The following PAPPA2 variants were observed in gnomAD, a reference collection of about 807,000 sequenced individuals.
PAPPA2 encodes pappalysin-2.
In PAPPA2, 86 loss-of-function variants were observed where a neutral mutation model predicts 176.4. The observed-to-expected ratio is 0.49, with a 90% CI of 0.41 to 0.58. PAPPA2 has a LOEUF of 0.58. Among genes scored for constraint, PAPPA2 ranks in the 20% least tolerant of loss-of-function variants. The pLI is 0.00. For synonymous variants in PAPPA2, 809 were observed against 852.2 expected (o/e 0.95, Z 0.88); for missense variants, 2,073 against 2,256.9 (o/e 0.92, Z 1.65).
intron 2 of PAPPA2, among the ~76,000 whole-genome samples, chr1:176,590,418 T>C (rs1653587869): frequency 6.6e-6 from 1 of 152,210 alleles, no homozygotes; most frequent in African/African-American, 2.4e-5. Context: ...CTTGGATTTT[T>C]TTTTTATCTT....
intron 3 of PAPPA2, among the ~76,000 whole-genome samples, chr1:176,653,827 A>C (rs983421084): frequency 6.6e-6 from 1 of 151,532 alleles, no homozygotes; most frequent in Non-Finnish European, 1.5e-5. Flanking sequence ...TCTACTTCTG[A>C]TGGATAATTT....
At chr1:176,734,222 G>A (rs1055338095) in intron 12 of PAPPA2, among the ~76,000 whole-genome samples, 2 of 152,096 alleles carry the variant, frequency 1.3e-5, no homozygotes, top group Admixed American at 6.6e-5. Flanking sequence ...TAAAATCACA[G>A]TTTGAGGACA....
At chr1:176,677,086 G>A (rs1488420291) in intron 4 of PAPPA2, among the ~76,000 whole-genome samples, 1 of 152,074 alleles carries the variant, frequency 6.6e-6, no homozygotes, top group Admixed American at 6.6e-5. Flanking sequence ...ATAGGAAATT[G>A]TTTGTGTTCT....
At position 176,605,706 on chromosome 1, in the gene PAPPA2, G is replaced by T. The variant is rs534417805; in HGVS notation, c.1991+10111G>T. Among the ~76,000 whole-genome samples the T allele has an allele frequency of 2.6e-5, 4 of 152,312 alleles. 1 individual carries two copies. Among genetic ancestry groups the T allele is most frequent in the Admixed American group, 1.3e-4 (2 of 15,308 alleles). On this transcript the variant is annotated intron_variant, in intron 3 of 22. Transcript: ENST00000367662. ...TAACTCATCTTTACATGTTAGTTCG[G>T]AAGTCATAGGTTTCTGGCCAACCTT... is the stretch of plus-strand genomic sequence containing the variant.
At chr1:176,839,394 G>A (rs1397102542) in intron 21 of PAPPA2, among the ~76,000 whole-genome samples, 3 of 152,190 alleles carry the variant, frequency 2.0e-5, no homozygotes, top group African/African-American at 7.2e-5. Flanking sequence ...TGGCCTGGAC[G>A]CCTTTCCCAT....
At chr1:176,593,496 G>T (rs2102647817) in intron 2 of PAPPA2, among the ~76,000 whole-genome samples, 1 of 152,312 alleles carries the variant, frequency 6.6e-6, no homozygotes, top group East Asian at 1.9e-4. Flanking sequence ...CTATTCCTGA[G>T]AGACTATGTA....
At chr1:176,623,141 A>T (rs1655688053) in intron 3 of PAPPA2, among the ~76,000 whole-genome samples, 1 of 152,202 alleles carries the variant, frequency 6.6e-6, no homozygotes, top group Non-Finnish European at 1.5e-5. Flanking sequence ...GCAAATGGTA[A>T]GGGAAGTCAC....
chr1:176,771,051 C>T lies in PAPPA2; in HGVS notation c.4586C>T (p.Pro1529Leu). The change falls in exon 17 of 23, where the codon CCT becomes CTT. Residue 1529 changes from proline (P) to leucine (L), a missense_variant. Physicochemically the swap from Pro to Leu is moderately conservative, Grantham distance 98. Around this residue, in one of 4 missense-constraint regions of PAPPA2, gnomAD observed 846 missense variants for 857.9 expected, o/e 0.99. Transcript: ENST00000367662. ...VYCKLECDAP[P>L]IILNANLLLP... Reference sequence around the variant, plus strand: ...TGCAAGTTGGAGTGTGATGCTCCCCCTATTATTCTGAATGCCAACTTGCTC... The same window carrying T: ...TGCAAGTTGGAGTGTGATGCTCCCCTTATTATTCTGAATGCCAACTTGCTC... The T allele has an allele frequency of 6.2e-7, 1 of 1,614,148 alleles. No homozygotes were observed. The highest frequency in any genetic ancestry group is 1.1e-5 in the South Asian group (1 of 91,080).
At chr1:176,521,108 C>T (rs548405259) in intron 1 of PAPPA2, among the ~76,000 whole-genome samples, 5 of 130,824 alleles carry the variant, frequency 3.8e-5, no homozygotes, top group Admixed American at 3.6e-4. Context: ...GAAAGAGAGA[C>T]AGAGACAGAG....
chr1:176,706,388 A>G lies in PAPPA2; in HGVS notation c.3395A>G (p.Asp1132Gly), dbSNP rs1309324168. Residue 1132 changes from aspartate to glycine, a missense_variant, in exon 10 of 23, where the codon GAC becomes GGC. Around this residue, in one of 4 missense-constraint regions of PAPPA2, gnomAD observed 846 missense variants for 857.9 expected, o/e 0.99. Coordinates refer to ENST00000367662, the MANE Select transcript of PAPPA2 (RefSeq NM_020318.3). ...CTGGGAGAAGAGTGTGATGATGGAG[A>G]CCTTGTGAGCGGAGATGGCTGCTCC... ...ERLGEECDDG[D>G]LVSGDGCSKV... The G allele has an allele frequency of 1.2e-6, 2 of 1,613,754 alleles. No individual in the cohort carries two copies. The highest frequency in any genetic ancestry group is 2.2e-5 in the East Asian group (1 of 44,846).
At chr1:176,694,190 G>A (rs1660253085) in intron 6 of PAPPA2, among the ~76,000 whole-genome samples, 1 of 152,156 alleles carries the variant, frequency 6.6e-6, no homozygotes, top group African/African-American at 2.4e-5. Flanking sequence ...CAGCAGCCAC[G>A]GAAGGGCCAA....
intron 4 of PAPPA2, 78 bp downstream of exon 4, chr1:176,671,193 A>G: frequency 6.4e-7 from 1 of 1,565,426 alleles, no homozygotes; most frequent in Non-Finnish European, 8.7e-7. Flanking sequence ...AAGTTTGGGG[A>G]AAAAAGAAAG....
At chr1:176,636,740 A>G (rs1447585544) in intron 3 of PAPPA2, among the ~76,000 whole-genome samples, 1 of 152,130 alleles carries the variant, frequency 6.6e-6, no homozygotes, top group Admixed American at 6.6e-5. Context: ...AAAACATTGT[A>G]CATCTCTGGT....
At chr1:176,493,982 A>G (rs1465668374) in intron 1 of PAPPA2, among the ~76,000 whole-genome samples, 1 of 152,236 alleles carries the variant, frequency 6.6e-6, no homozygotes, top group Non-Finnish European at 1.5e-5. Flanking sequence ...AAACCTTATT[A>G]CCAGATGCTC....
chr1:176,840,096 T>C, intron 21 of PAPPA2, 77 bp from the exon 22 acceptor site: 1 of 1,163,294 alleles, frequency 8.6e-7, no homozygotes, highest in Non-Finnish European at 1.3e-6. Flanking sequence ...TGGATTACGC[T>C]GGGATGGGAG....
intron 3 of PAPPA2, among the ~76,000 whole-genome samples, chr1:176,632,792 C>T (rs907370027): frequency 1.3e-5 from 2 of 152,076 alleles, no homozygotes; most frequent in African/African-American, 4.8e-5. Flanking sequence ...GCTCTTAGAA[C>T]AAAATTTTAA....
intron 15 of PAPPA2, among the ~76,000 whole-genome samples, chr1:176,768,153 G>A (rs964783097): frequency 8.5e-5 from 13 of 152,112 alleles, no homozygotes; most frequent in African/African-American, 2.2e-4. Context: ...TTGGCTGCAC[G>A]TTTTTCAAAC....
intron 2 of PAPPA2, among the ~76,000 whole-genome samples, chr1:176,589,258 T>C (rs1284005262): frequency 2.0e-5 from 3 of 152,198 alleles, no homozygotes; most frequent in Non-Finnish European, 1.5e-5. Context: ...TTGAGGATAA[T>C]TGACTCTATC....
chr1:176,575,637 T>C (rs1466232965), intron 2 of PAPPA2, among the ~76,000 whole-genome samples: 6 of 152,260 alleles, frequency 3.9e-5, no homozygotes, highest in Non-Finnish European at 8.8e-5. Context: ...ACTGGAGATA[T>C]GGCAGCAAAC....
Sources: allele counts gnomAD v4.1 joint callset (sites outside exome capture counted in the v4.1 genomes callset), GRCh38; gene constraint gnomAD v4.1.1; regional missense constraint gnomAD v4.1.1; transcripts MANE v1.5; gene names NCBI Gene and HGNC (gene_info 2026-07-23, HGNC 2026-07-21).